Variants in PIK3CD observed in about 807,000 individuals in gnomAD.
PIK3CD encodes the protein phosphatidylinositol 4,5-bisphosphate 3-kinase catalytic subunit delta isoform.
PIK3CD carries 20 observed loss-of-function variants against 122.9 expected under a neutral mutation model. The ratio of observed to expected loss-of-function variants is 0.16; its 90% CI spans 0.11 to 0.24. PIK3CD has a LOEUF of 0.24. Among genes scored for constraint, PIK3CD ranks in the 10% least tolerant of loss-of-function variants. The probability of loss-of-function intolerance (pLI) is 1.00; values close to 1 mark genes in which losing one functional copy is unlikely to be tolerated. For missense variants in PIK3CD, 787 were observed against 1,406.3 expected, an observed-to-expected ratio of 0.56 and a Z score of 7.04; for synonymous variants, 596 against 593.4, an observed-to-expected ratio of 1.00 and a Z score of -0.06.
chr1:9,718,077 C>A lies in PIK3CD; in HGVS notation c.1020+451C>A. On this transcript the variant is annotated intron_variant, in intron 8 of 23. Transcript: ENST00000377346. This position sits in a 1 kb window ranked among gnomAD's most constrained non-coding sequence, Gnocchi z 7.2. The stretch of plus-strand genomic sequence containing the variant: ...CCCACCTCCCTGTTGTCTCTTAACA[C>A]TTTCACACGCTCCATCGCAACAGCC... 1 of 469,982 alleles carries A rather than the reference C, an allele frequency of 2.1e-6. No homozygotes were observed. The highest frequency in any genetic ancestry group is 4.2e-6 in the Non-Finnish European group (1 of 236,432). 29.1% of individuals were successfully genotyped at this position (469,982 alleles called of 1,614,324 possible). A position where few individuals can be genotyped will look rare whatever the true frequency, so the allele number is the denominator to read the frequency against.
chr1:9,642,577 C>T, the PIK3CD span, among the ~76,000 whole-genome samples: 3 of 151,150 alleles, frequency 2.0e-5, no homozygotes, highest in Non-Finnish European at 4.4e-5. Context: ...ATTAGCCGGG[C>T]GCAGTGGCGG....
At chr1:9,726,537 A>AT (rs1057031942) in intron 23 of PIK3CD, among the ~76,000 whole-genome samples, 7 of 151,868 alleles carry the variant, frequency 4.6e-5, no homozygotes, top group Admixed American at 1.3e-4. Context: ...ATACATATGT[A>AT]TTTTTTTTCC....
upstream of PIK3CD, among the ~76,000 whole-genome samples, chr1:9,647,867 T>C (rs1471309579): frequency 1.3e-5 from 2 of 152,162 alleles, no homozygotes; most frequent in Non-Finnish European, 2.9e-5. Flanking sequence ...AGAGTGTTTA[T>C]GGATGTAAAA....
At chr1:9,641,681 C>T in the PIK3CD span, among the ~76,000 whole-genome samples, 4 of 152,240 alleles carry the variant, frequency 2.6e-5, no homozygotes, top group East Asian at 7.7e-4. Flanking sequence ...ATCCCCTCCA[C>T]CTGCAAAACC....
intron 1 of PIK3CD, chr1:9,672,731 A>G (rs1324037797): frequency 6.6e-6 from 1 of 152,160 alleles, no homozygotes; most frequent in Non-Finnish European, 1.5e-5. Context: ...TGGTGGAGAA[A>G]CGAATAGTTT....
intron 1 of PIK3CD, chr1:9,653,421 G>C (rs1449083154): frequency 4.1e-6 from 1 of 241,806 alleles, no homozygotes; most frequent in East Asian, 1.0e-4. Context: ...AACCCACACA[G>C]TTTACAAGTA....
intron 1 of PIK3CD, among the ~76,000 whole-genome samples, chr1:9,659,487 G>C (rs185257396): frequency 8.1e-4 from 124 of 152,152 alleles, no homozygotes; most frequent in African/African-American, 2.9e-3. Context: ...CCCACCCTCA[G>C]GCATTTTTTT....
intron 2 of PIK3CD, among the ~76,000 whole-genome samples, chr1:9,703,002 G>A (rs1407425500): frequency 6.6e-6 from 1 of 152,192 alleles, no homozygotes; most frequent in East Asian, 1.9e-4. Flanking sequence ...AGGCATGGCT[G>A]GATCCAGGGA....
At chr1:9,637,643 C>T in the PIK3CD span, among the ~76,000 whole-genome samples, 2 of 152,164 alleles carry the variant, frequency 1.3e-5, no homozygotes, top group African/African-American at 4.8e-5. Flanking sequence ...TTCCTAGCCT[C>T]TTCCACCTTC....
At chr1:9,665,977 A>T (rs1258878628) in intron 1 of PIK3CD, among the ~76,000 whole-genome samples, 2 of 152,120 alleles carry the variant, frequency 1.3e-5, no homozygotes, top group Admixed American at 1.3e-4. Flanking sequence ...CCCAGGCTGG[A>T]GTGCAATGGC....
chr1:9,638,408 C>A, the PIK3CD span, among the ~76,000 whole-genome samples: 6 of 152,070 alleles, frequency 3.9e-5, no homozygotes, highest in East Asian at 1.9e-4. Context: ...CCCTGCAGAA[C>A]CTCCAAACCC....
At chr1:9,706,622 A>T (rs1345206888) in intron 2 of PIK3CD, among the ~76,000 whole-genome samples, 1 of 152,198 alleles carries the variant, frequency 6.6e-6, no homozygotes, top group East Asian at 1.9e-4. Flanking sequence ...CACTAAATGT[A>T]AAACACACAC....
intron 1 of PIK3CD, among the ~76,000 whole-genome samples, chr1:9,660,643 T>A (rs367809976): frequency 6.6e-6 from 1 of 152,032 alleles, no homozygotes; most frequent in Non-Finnish European, 1.5e-5. Context: ...GAATAGCACA[T>A]GGGGATACTC....
the PIK3CD span, among the ~76,000 whole-genome samples, chr1:9,631,570 C>G: frequency 6.6e-6 from 1 of 152,178 alleles, no homozygotes; most frequent in African/African-American, 2.4e-5. Context: ...GCAGGAGAAT[C>G]GTTTGAACCC....
intron 2 of PIK3CD, among the ~76,000 whole-genome samples, chr1:9,708,112 A>C (rs1646912970): frequency 6.6e-6 from 1 of 151,990 alleles, no homozygotes; most frequent in Non-Finnish European, 1.5e-5. Flanking sequence ...GTAAATCTAA[A>C]GAACAGCACA....
At chr1:9,635,239 T>TCTC in the PIK3CD span, among the ~76,000 whole-genome samples, 5 of 146,952 alleles carry the variant, frequency 3.4e-5, no homozygotes, top group Non-Finnish European at 7.4e-5. Context: ...CTCACCACTG[T>TCTC]ACTCCAGCCT....
chr1:9,670,516 C>T (rs568284948), intron 1 of PIK3CD, among the ~76,000 whole-genome samples: 13 of 152,154 alleles, frequency 8.5e-5, no homozygotes, highest in Non-Finnish European at 1.5e-4. Context: ...GGCTTCATAT[C>T]TTGGCTTTGA....
At chr1:9,697,593 G>A (rs895653317) in intron 2 of PIK3CD, among the ~76,000 whole-genome samples, 21 of 151,824 alleles carry the variant, frequency 1.4e-4, no homozygotes, top group African/African-American at 4.8e-4. Flanking sequence ...AATTAGCTGG[G>A]TATGTGGTGT....
rs183109008 is a variant in PIK3CD, at chr1:9,727,651, C to T, written c.*605C>T. 8.2e-5 allele frequency: 18 copies of T among 219,246 alleles called. 1 individual carries two copies. The East Asian group carries it at 1.3e-3, about 16-fold the overall frequency. The allele number at this position is 219,246 out of a possible 1,614,324, so 13.6% of individuals were successfully genotyped here. The stretch of plus-strand genomic sequence containing the variant: ...GAAAATAATAGATGACTCACCACAC[C>T]TCTACGGCTGGGGAGATCAGGCCCA... On this transcript the variant is annotated 3_prime_UTR_variant, in exon 24 of 24. Transcript: ENST00000377346.
Sources: allele counts gnomAD v4.1 joint callset (sites outside exome capture counted in the v4.1 genomes callset), GRCh38; gene constraint gnomAD v4.1.1; non-coding constraint Gnocchi (gnomAD v3.1); transcripts MANE v1.5; gene names NCBI Gene and HGNC (gene_info 2026-07-23, HGNC 2026-07-21).